Variants in GABRA2 observed in about 807,000 individuals in gnomAD.
GABRA2 encodes the protein gamma-aminobutyric acid receptor subunit alpha-2.
In GABRA2, 16 loss-of-function variants were observed where a neutral mutation model predicts 48.7. The ratio of observed to expected loss-of-function variants is 0.33; its 90% CI spans 0.22 to 0.50. The LOEUF (loss-of-function observed/expected upper bound fraction) is 0.50, where lower values mean the gene tolerates loss of function less well. Among genes scored for constraint, GABRA2 ranks in the 20% least tolerant of loss-of-function variants. GABRA2 has a pLI of 0.98. For synonymous variants in GABRA2, 185 were observed against 184.5 expected, an observed-to-expected ratio of 1.00 and a Z score of -0.02; for missense variants, 275 against 535.6, an observed-to-expected ratio of 0.51 and a Z score of 4.80.
intron 3 of GABRA2, among the ~76,000 whole-genome samples, chr4:46,346,435 G>A (rs1348757024): frequency 1.3e-5 from 2 of 151,534 alleles, no homozygotes; most frequent in Non-Finnish European, 2.9e-5. Flanking sequence ...TTTTGTTTAG[G>A]TACAATCATT....
intron 1 of GABRA2, chr4:46,389,075 C>T (rs2109392728): frequency 9.9e-7 from 1 of 1,015,016 alleles, no homozygotes; most frequent in Non-Finnish European, 1.2e-6. Context: ...ACTGGCATAG[C>T]AGCTGGAAAG....
intron 6 of GABRA2, among the ~76,000 whole-genome samples, chr4:46,308,266 C>A (rs1727046884): frequency 6.6e-6 from 1 of 151,932 alleles, no homozygotes; most frequent in Admixed American, 6.6e-5. Context: ...AGGTATGCGG[C>A]AATAGGAATA....
intron 3 of GABRA2, among the ~76,000 whole-genome samples, chr4:46,369,224 C>T (rs984641018): frequency 6.6e-6 from 1 of 152,028 alleles, no homozygotes; most frequent in African/African-American, 2.4e-5. Context: ...AGGGCACACC[C>T]CTGTAATCAG....
intron 8 of GABRA2, among the ~76,000 whole-genome samples, chr4:46,271,677 G>A (rs1022179518): frequency 2.0e-5 from 3 of 151,854 alleles, no homozygotes; most frequent in Non-Finnish European, 4.4e-5. Context: ...TGATCTAGAA[G>A]AAAATGTTTC....
intron 4 of GABRA2, among the ~76,000 whole-genome samples, chr4:46,312,963 C>A (rs530034439): frequency 1.3e-5 from 2 of 151,880 alleles, no homozygotes; most frequent in Non-Finnish European, 2.9e-5. Context: ...TTCACTTTGG[C>A]CTCTTTTAGT....
At chr4:46,265,792 C>A (rs1718093774) in intron 8 of GABRA2, among the ~76,000 whole-genome samples, 1 of 151,448 alleles carries the variant, frequency 6.6e-6, no homozygotes, top group Non-Finnish European at 1.5e-5. Context: ...AATTTTTTTT[C>A]TCTTTTTAAC....
chr4:46,305,686 A>G lies in GABRA2; in HGVS notation c.585T>C (p.Thr195=). The change falls in exon 7 of 10, where the codon ACT becomes ACC. Residue 195 remains threonine, a synonymous_variant. Coordinates refer to ENST00000381620, the MANE Select transcript of GABRA2 (RefSeq NM_000807.4). Reference sequence around the variant, plus strand: ...CAGATGCATTGTAAGTCCAAATATAAGTGACCTCTGAAGTTGTATATGCAT... The same window carrying G: ...CAGATGCATTGTAAGTCCAAATATAGGTGACCTCTGAAGTTGTATATGCAT... ...GSYAYTTSEV[T]YIWTYNASDS... The G allele has an allele frequency of 6.2e-7, 1 of 1,612,742 alleles. No individual in the cohort carries two copies. Among genetic ancestry groups the G allele is most frequent in the East Asian group, 2.2e-5 (1 of 44,850 alleles).
At chr4:46,268,802 G>C (rs545784470) in intron 8 of GABRA2, among the ~76,000 whole-genome samples, 10 of 151,804 alleles carry the variant, frequency 6.6e-5, no homozygotes, top group African/African-American at 1.9e-4. Context: ...ATCTACCAAA[G>C]GATGAATTAA....
In GABRA2 at chr4:46,246,481, T is replaced by G. The variant is rs1460640739; in HGVS notation, c.*3827A>C. On this transcript the variant is annotated 3_prime_UTR_variant, in exon 10 of 10. Transcript: ENST00000381620. The stretch of plus-strand genomic sequence containing the variant: ...CAAAAATAACTGCACCCCTCCCCAG[T>G]TAAAATTTTACACTTCTGCATACTT... 1.3e-5 allele frequency among the ~76,000 whole-genome samples: 2 copies of G among 151,096 alleles called. No homozygotes were observed. Among genetic ancestry groups the G allele is most frequent in the Non-Finnish European group, 3.0e-5 (2 of 67,426 alleles).
intron 3 of GABRA2, among the ~76,000 whole-genome samples, chr4:46,349,942 C>A (rs1734836839): frequency 6.6e-6 from 1 of 151,760 alleles, no homozygotes; most frequent in Admixed American, 6.6e-5. Context: ...AGTAGCAACC[C>A]TTAAGTACTT....
At chr4:46,336,179 A>G (rs1732205099) in intron 3 of GABRA2, among the ~76,000 whole-genome samples, 1 of 152,094 alleles carries the variant, frequency 6.6e-6, no homozygotes, top group Non-Finnish European at 1.5e-5. Flanking sequence ...ATTATTTCTC[A>G]TTTTAATTCA....
At chr4:46,261,880 A>T (rs760987486) in intron 9 of GABRA2, 46 bp downstream of exon 9, 4 of 1,449,150 alleles carry the variant, frequency 2.8e-6, no homozygotes, top group Non-Finnish European at 3.9e-6. Context: ...AGCGGAATTC[A>T]TTAGGGTATT....
At chr4:46,346,064 C>G (rs890058123) in intron 3 of GABRA2, among the ~76,000 whole-genome samples, 1 of 151,846 alleles carries the variant, frequency 6.6e-6, no homozygotes, top group Non-Finnish European at 1.5e-5. Context: ...CTGTGCTTTG[C>G]CTTACACTCT....
intron 8 of GABRA2, among the ~76,000 whole-genome samples, chr4:46,271,258 G>A (rs1296420648): frequency 6.6e-6 from 1 of 151,766 alleles, no homozygotes; most frequent in Non-Finnish European, 1.5e-5. Context: ...ACATGTGTTG[G>A]GTTTCCCCCG....
Position 46,312,674 on chromosome 4 carries a change from C to A in GABRA2, c.298G>T (p.Glu100Ter). The A allele has an allele frequency of 6.6e-7, 1 of 1,518,906 alleles. No individual in the cohort carries two copies. Among genetic ancestry groups the A allele is most frequent in the Non-Finnish European group, 8.8e-7 (1 of 1,139,890 alleles). The allele number at this position is 1,518,906 out of a possible 1,614,324, so 94.1% of individuals were successfully genotyped here. ...ATAGGACCTTTAAATTTTAAACGTT[C>A]ATCTTTCCATTTTTGTCGAAAGAAA... is the stretch of plus-strand genomic sequence containing the variant. ...DVFFRQKWKD[E>*]RLKFKGPMNI... The change falls in exon 5 of 10, where the codon GAA becomes TAA. Residue 100 changes from glutamate to a stop codon, truncating the protein, a stop_gained. Coordinates refer to ENST00000381620, the MANE Select transcript of GABRA2 (RefSeq NM_000807.4). LOFTEE classifies it high-confidence loss of function.
chr4:46,280,492 A>AT (rs1306771163), intron 8 of GABRA2, among the ~76,000 whole-genome samples: 5 of 152,152 alleles, frequency 3.3e-5, no homozygotes, highest in Non-Finnish European at 7.4e-5. Context: ...GGACTTACTG[A>AT]TTTCTGAAGA....
intron 3 of GABRA2, among the ~76,000 whole-genome samples, chr4:46,375,678 C>T (rs957581630): frequency 1.3e-5 from 2 of 152,046 alleles, no homozygotes; most frequent in Admixed American, 6.6e-5. Flanking sequence ...TGACAGAATA[C>T]TTAAAGTTCA....
intron 8 of GABRA2, among the ~76,000 whole-genome samples, chr4:46,281,408 A>T (rs538968304): frequency 4.3e-4 from 66 of 152,330 alleles, no homozygotes; most frequent in African/African-American, 1.5e-3. Flanking sequence ...ATGAACTCAA[A>T]TATTTAGGGG....
rs115620821 is a variant in GABRA2 at position 46,258,714 on chromosome 4, A to G, written c.1059+3212T>C. Among the ~76,000 whole-genome samples, 1,017 of 151,904 alleles carry G rather than the reference A, an allele frequency of 6.7e-3. 15 individuals carry two copies. Among genetic ancestry groups the G allele is most frequent in the African/African-American group, 0.023 (962 of 41,518 alleles). Reference sequence around the variant, plus strand: ...AGATACTCTGAAGTTTGATTTAAGAAAGAAAAGAAGAGAAAAAGTTGCTGT... The same window carrying G: ...AGATACTCTGAAGTTTGATTTAAGAGAGAAAAGAAGAGAAAAAGTTGCTGT... On this transcript the variant is annotated intron_variant, in intron 9 of 9. Transcript: ENST00000381620.
Sources: gnomAD v4.1 joint callset for allele counts (sites outside exome capture counted in the v4.1 genomes callset) on GRCh38, gnomAD v4.1.1 for gene constraint, MANE v1.5 for transcripts, NCBI Gene and HGNC (gene_info 2026-07-23, HGNC 2026-07-21) for gene names.